The following TBC1D15 variants were observed in gnomAD, a reference collection of about 807,000 sequenced individuals.
The protein encoded by TBC1D15 is TBC1 domain family member 15, also known as GAP for RAB7.
TBC1D15 carries 39 observed loss-of-function variants against 95.4 expected under a neutral mutation model. That is an observed-to-expected ratio of 0.41 (90% CI 0.32 to 0.53). The LOEUF is 0.53. Ranked by LOEUF, TBC1D15 falls within the 20% of genes least tolerant of loss-of-function variation. The pLI, the probability that TBC1D15 is intolerant of heterozygous loss-of-function variation, is 0.29. For synonymous variants in TBC1D15, 258 were observed against 261.3 expected (o/e 0.99, Z 0.12); for missense variants, 733 against 794.3 (o/e 0.92, Z 0.93).
intron 11 of TBC1D15, 22 bp downstream of exon 11, chr12:71,907,160 T>C (rs993926398): frequency 5.8e-6 from 8 of 1,387,540 alleles, no homozygotes; most frequent in Non-Finnish European, 8.0e-6. Flanking sequence ...AAAGTTCTAA[T>C]TTTAAAAGAT....
intron 14 of TBC1D15, among the ~76,000 whole-genome samples, chr12:71,918,974 C>T (rs1868304496): frequency 6.6e-6 from 1 of 152,058 alleles, no homozygotes; most frequent in Non-Finnish European, 1.5e-5. Context: ...AGTACATGTG[C>T]AGGTTTGTTA....
At chr12:71,874,258 T>C (rs1893299091) in intron 3 of TBC1D15, among the ~76,000 whole-genome samples, 1 of 152,212 alleles carries the variant, frequency 6.6e-6, no homozygotes, top group Non-Finnish European at 1.5e-5. Flanking sequence ...AATTTATCTT[T>C]TTGGGAGGGG....
chr12:71,910,437 A>G (rs1566063258), intron 11 of TBC1D15, among the ~76,000 whole-genome samples: 1 of 151,274 alleles, frequency 6.6e-6, no homozygotes, highest in Non-Finnish European at 1.5e-5. Context: ...CATTGAATCT[A>G]TAAATTAACT....
At chr12:71,848,698 T>C (rs1298748932) in intron 1 of TBC1D15, among the ~76,000 whole-genome samples, 1 of 152,188 alleles carries the variant, frequency 6.6e-6, no homozygotes, top group East Asian at 1.9e-4. Flanking sequence ...AATAATGTTA[T>C]GTCAAAGTTT....
chr12:71,909,389 G>T (rs751013298), intron 11 of TBC1D15, among the ~76,000 whole-genome samples: 5 of 152,174 alleles, frequency 3.3e-5, no homozygotes, highest in Non-Finnish European at 5.9e-5. Flanking sequence ...ATTGAATACA[G>T]TCTCAGTAGG....
chr12:71,893,053 A>G (rs1467637517), intron 5 of TBC1D15, among the ~76,000 whole-genome samples, 169 bp from the exon 6 acceptor site: 1 of 150,426 alleles, frequency 6.6e-6, no homozygotes, highest in East Asian at 1.9e-4. Flanking sequence ...TGTAGTTTTG[A>G]AGCTCCTTTA....
At chr12:71,852,998 A>G (rs571337773) in intron 1 of TBC1D15, among the ~76,000 whole-genome samples, 19 of 152,208 alleles carry the variant, frequency 1.2e-4, no homozygotes, top group African/African-American at 4.6e-4. Flanking sequence ...TCTGATACCA[A>G]TTTTCTGTAT....
intron 5 of TBC1D15, 70 bp downstream of exon 5, chr12:71,885,091 A>T (rs1456770475): frequency 1.6e-5 from 24 of 1,506,418 alleles, no homozygotes; most frequent in Non-Finnish European, 2.0e-5. Context: ...AACTATTTTT[A>T]CTTGACCTTG....
intron 1 of TBC1D15, among the ~76,000 whole-genome samples, chr12:71,850,888 A>G (rs1048029098): frequency 4.0e-5 from 6 of 150,536 alleles, no homozygotes; most frequent in African/African-American, 1.5e-4. Flanking sequence ...TTGGGAGGCT[A>G]AGGCAGGAGA....
intron 3 of TBC1D15, among the ~76,000 whole-genome samples, chr12:71,875,197 C>T (rs538811205): frequency 6.6e-6 from 1 of 152,284 alleles, no homozygotes; most frequent in East Asian, 1.9e-4. Context: ...CCTTGGCCTC[C>T]CAAAGTGCTG....
chr12:71,901,681 TTC>T (rs1177264755), intron 10 of TBC1D15, among the ~76,000 whole-genome samples: 1 of 152,114 alleles, frequency 6.6e-6, no homozygotes, highest in African/African-American at 2.4e-5. Context: ...GCTGGAAGCA[TTC>T]CCCTTGAGAA....
chr12:71,897,099 T>G (rs1300741450), intron 9 of TBC1D15: 1 of 186,976 alleles, frequency 5.3e-6, no homozygotes, highest in Admixed American at 6.0e-5. Context: ...CTCATTCATC[T>G]TGATTCATTT....
chr12:71,916,669 A>T (rs1415472703), intron 12 of TBC1D15, among the ~76,000 whole-genome samples: 1 of 152,228 alleles, frequency 6.6e-6, no homozygotes, highest in African/African-American at 2.4e-5. Flanking sequence ...TTAGGGCGGT[A>T]GGTTACCACA....
chr12:71,914,241 A>G (rs1029269624), intron 12 of TBC1D15, among the ~76,000 whole-genome samples: 10 of 151,980 alleles, frequency 6.6e-5, no homozygotes, highest in African/African-American at 2.2e-4. Context: ...ATTTTGTGGA[A>G]TAGTTGAACT....
chr12:71,919,596 C>T (rs1004867642), intron 14 of TBC1D15, among the ~76,000 whole-genome samples: 5 of 152,128 alleles, frequency 3.3e-5, no homozygotes, highest in African/African-American at 1.2e-4. Flanking sequence ...ATGCTCACTT[C>T]CTCTGTTCTC....
rs763539563 is a variant in TBC1D15, at chr12:71,863,295, A to G, written c.31-8775A>G. On this transcript the variant is annotated intron_variant, in intron 1 of 16. Transcript: ENST00000485960. ...CAGGAGGCTGAGGCAGGAGAATGGC[A>G]TGAACCTGGGGGACGGAGCTTGCAG... 1.2e-4 allele frequency among the ~76,000 whole-genome samples: 19 copies of G among 152,044 alleles called. No individual in the cohort carries two copies. In the East Asian group the frequency reaches 2.9e-3, roughly 23 times the overall value.
At chr12:71,856,188 A>G (rs186495016) in intron 1 of TBC1D15, among the ~76,000 whole-genome samples, 10 of 152,262 alleles carry the variant, frequency 6.6e-5, no homozygotes, top group South Asian at 4.1e-4. Flanking sequence ...TGTATTTTAG[A>G]TAAGTTTTTG....
chr12:71,913,688 G>T (rs1592825276), intron 11 of TBC1D15, 138 bp from the exon 12 acceptor site: 1 of 581,522 alleles, frequency 1.7e-6, no homozygotes, highest in Non-Finnish European at 3.0e-6. Flanking sequence ...TCTTTTCTTG[G>T]TGAACATCAG....
intron 3 of TBC1D15, 104 bp downstream of exon 3, chr12:71,873,107 C>A: frequency 1.3e-6 from 1 of 752,346 alleles, no homozygotes; most frequent in Non-Finnish European, 2.1e-6. Flanking sequence ...TTAAAGCATA[C>A]AATTCAGTGG....
Sources: gnomAD v4.1 joint callset for allele counts (sites outside exome capture counted in the v4.1 genomes callset) on GRCh38, gnomAD v4.1.1 for gene constraint, MANE v1.5 for transcripts, NCBI Gene and HGNC (gene_info 2026-07-23, HGNC 2026-07-21) for gene names.